Variants in ERG observed in about 807,000 individuals in gnomAD.
ERG encodes the protein ETS transcription factor ERG.
A neutral mutation model predicts 55.3 loss-of-function variants in ERG; 9 were observed. The ratio of observed to expected loss-of-function variants is 0.16; its 90% CI spans 0.10 to 0.28. The LOEUF is 0.28. ERG is among the 10% of genes least tolerant of loss of function. ERG has a pLI of 1.00. For synonymous variants in ERG, 223 were observed against 237.3 expected, an observed-to-expected ratio of 0.94 and a Z score of 0.55; for missense variants, 434 against 631.6, an observed-to-expected ratio of 0.69 and a Z score of 3.35.
intron 3 of ERG, among the ~76,000 whole-genome samples, chr21:38,421,770 A>G (rs1318793076): frequency 6.6e-6 from 1 of 152,216 alleles, no homozygotes; most frequent in Non-Finnish European, 1.5e-5. Flanking sequence ...CTTACCAGGC[A>G]CTGCAACTGG....
chr21:38,607,941 C>T (rs974273698), intron 1 of ERG, among the ~76,000 whole-genome samples: 2 of 151,978 alleles, frequency 1.3e-5, no homozygotes, highest in African/African-American at 4.8e-5. Context: ...ATTAGACAAT[C>T]GTAAGAAGAG....
intron 1 of ERG, among the ~76,000 whole-genome samples, chr21:38,448,732 TG>T (rs2058914773): frequency 6.6e-6 from 1 of 152,222 alleles, no homozygotes; most frequent in African/African-American, 2.4e-5. Context: ...CCACTTGACT[TG>T]GCTGTTGGCA....
At chr21:38,551,422 T>C in intron 2 of ERG, among the ~76,000 whole-genome samples, 1 of 152,194 alleles carries the variant, frequency 6.6e-6, no homozygotes, top group East Asian at 1.9e-4. Flanking sequence ...TTTTTCTAGT[T>C]CCTCCAGGTG....
chr21:38,557,977 T>C (rs764838657), intron 2 of ERG, among the ~76,000 whole-genome samples: 2 of 152,224 alleles, frequency 1.3e-5, no homozygotes, highest in Non-Finnish European at 1.5e-5. Context: ...TCATTTTATA[T>C]ATCCTATGGC....
intron 9 of ERG, among the ~76,000 whole-genome samples, chr21:38,389,855 A>G (rs927063229): frequency 2.6e-5 from 4 of 152,202 alleles, no homozygotes; most frequent in Non-Finnish European, 4.4e-5. Flanking sequence ...TGTGTAAAAA[A>G]AATTCATTGA....
chr21:38,593,630 A>G (rs1313129913), intron 1 of ERG, among the ~76,000 whole-genome samples: 1 of 152,232 alleles, frequency 6.6e-6, no homozygotes, highest in Non-Finnish European at 1.5e-5. Context: ...GCAAATGAAC[A>G]ATACTGGACA....
upstream of ERG, among the ~76,000 whole-genome samples, chr21:38,589,790 C>G (rs113856236): frequency 9.8e-3 from 1,491 of 152,258 alleles, 11 homozygotes; most frequent in Non-Finnish European, 0.016. Flanking sequence ...AGAGTATAAA[C>G]CAACTCTGAA....
chr21:38,585,469 G>GA (rs1208245416), upstream of ERG, among the ~76,000 whole-genome samples: 1 of 123,266 alleles, frequency 8.1e-6, no homozygotes, highest in Non-Finnish European at 1.7e-5. Context: ...AAGATAGAAA[G>GA]AAAAAAATCT....
At chr21:38,540,835 T>G (rs2059746744) in intron 2 of ERG, among the ~76,000 whole-genome samples, 2 of 152,116 alleles carry the variant, frequency 1.3e-5, no homozygotes, top group Admixed American at 6.6e-5. Flanking sequence ...TATATGGACA[T>G]TTTGGGGGTG....
At chr21:38,576,041 A>G (rs762871020) in intron 1 of ERG, among the ~76,000 whole-genome samples, 3 of 152,224 alleles carry the variant, frequency 2.0e-5, no homozygotes, top group African/African-American at 7.2e-5. Context: ...ACATCCTTCC[A>G]CGTGGGCAGC....
intron 1 of ERG, among the ~76,000 whole-genome samples, chr21:38,458,002 A>AT (rs1343231965): frequency 1.3e-5 from 2 of 152,242 alleles, no homozygotes; most frequent in Non-Finnish European, 2.9e-5. Context: ...TGACTTAAAA[A>AT]TAAAAAAAAG....
intron 9 of ERG, among the ~76,000 whole-genome samples, chr21:38,387,094 T>C (rs1035727180): frequency 6.6e-6 from 1 of 150,486 alleles, no homozygotes; most frequent in African/African-American, 2.4e-5. Flanking sequence ...AACTAAACGG[T>C]TTACAAACCA....
At position 38,482,681 on chromosome 21, in the gene ERG, G is replaced by GT. The variant is rs1208708803; in HGVS notation, c.18+15681_18+15682insA. Among the ~76,000 whole-genome samples the GT allele has an allele frequency of 4.8e-5, 7 of 147,256 alleles. No homozygotes were observed. The East Asian group carries it at 1.6e-3, about 33-fold the overall frequency. The stretch of plus-strand genomic sequence containing the variant: ...GATATATACAACGGAATATCATTTA[G>GT]CCTTTTTTTTTTTTGAGATGGAATC... On this transcript the variant is annotated intron_variant, in intron 1 of 9. Coordinates refer to ENST00000288319, the MANE Select transcript of ERG (RefSeq NM_182918.4).
chr21:38,573,445 G>A (rs990831498), intron 2 of ERG, among the ~76,000 whole-genome samples: 3 of 152,212 alleles, frequency 2.0e-5, no homozygotes, highest in Non-Finnish European at 2.9e-5. Flanking sequence ...ATTCTGAGAT[G>A]AGAGAAAAAC....
chr21:38,527,728 T>C (rs930253076), intron 2 of ERG, among the ~76,000 whole-genome samples: 4 of 152,200 alleles, frequency 2.6e-5, no homozygotes, highest in Admixed American at 6.5e-5. Context: ...ATGAGTGGCC[T>C]TGCCCTGAGA....
intron 1 of ERG, among the ~76,000 whole-genome samples, chr21:38,596,441 G>A (rs1008883555): frequency 3.3e-5 from 5 of 152,168 alleles, no homozygotes; most frequent in African/African-American, 1.2e-4. Context: ...AAAGCAAACA[G>A]GAGGCACTTT....
chr21:38,533,479 A>G (rs193113222), intron 2 of ERG, among the ~76,000 whole-genome samples: 51 of 152,320 alleles, frequency 3.3e-4, no homozygotes, highest in Non-Finnish European at 6.0e-4. Context: ...ATGCTTGCCA[A>G]TGGAACGTTG....
chr21:38,541,227 A>G (rs1306876424), intron 2 of ERG, among the ~76,000 whole-genome samples: 2 of 152,176 alleles, frequency 1.3e-5, no homozygotes, highest in Admixed American at 1.3e-4. Context: ...TTCCATGCCC[A>G]TATGTTTCTG....
intron 2 of ERG, among the ~76,000 whole-genome samples, chr21:38,549,802 G>A (rs2059812364): frequency 6.6e-6 from 1 of 152,116 alleles, no homozygotes; most frequent in Non-Finnish European, 1.5e-5. Flanking sequence ...TGCTCCATTG[G>A]AGAGGTGCAA....
Sources: allele counts gnomAD v4.1 joint callset (sites outside exome capture counted in the v4.1 genomes callset), GRCh38; gene constraint gnomAD v4.1.1; transcripts MANE v1.5; gene names NCBI Gene and HGNC (gene_info 2026-07-23, HGNC 2026-07-21).